The following CNTN4 variants were observed in gnomAD, a reference collection of about 807,000 sequenced individuals.
CNTN4 encodes contactin 4.
Under a neutral mutation model 122.5 loss-of-function variants are expected in CNTN4, and 77 were observed. That is an observed-to-expected ratio of 0.63 (90% CI 0.52 to 0.76). The LOEUF (loss-of-function observed/expected upper bound fraction) is 0.76. Among genes scored for constraint, CNTN4 ranks in the 30% least tolerant of loss-of-function variants. The pLI is 0.00. For missense variants in CNTN4, 1,256 were observed against 1,259.1 expected, an observed-to-expected ratio of 1.00 and a Z score of 0.04; for synonymous variants, 512 against 447.0, an observed-to-expected ratio of 1.15 and a Z score of -1.83.
chr3:2,422,237 G>C (rs967026231), intron 3 of CNTN4, among the ~76,000 whole-genome samples: 5 of 152,156 alleles, frequency 3.3e-5, no homozygotes, highest in African/African-American at 1.2e-4. Context: ...CTTAACCTGG[G>C]TTCCAATACC....
intron 8 of CNTN4, among the ~76,000 whole-genome samples, chr3:2,878,836 A>C (rs2093875540): frequency 1.3e-5 from 2 of 152,212 alleles, no homozygotes; most frequent in South Asian, 4.1e-4. Context: ...AATAAACAAG[A>C]GAATTATAAA....
intron 3 of CNTN4, among the ~76,000 whole-genome samples, chr3:2,392,577 A>C (rs546736768): frequency 1.3e-5 from 2 of 152,308 alleles, no homozygotes; most frequent in African/African-American, 4.8e-5. Context: ...ACATGTGTAC[A>C]TTCTGAAGTG....
chr3:2,136,668 G>T, intron 2 of CNTN4, among the ~76,000 whole-genome samples: 1 of 151,614 alleles, frequency 6.6e-6, no homozygotes, highest in African/African-American at 2.4e-5. Flanking sequence ...ACAATTAAAT[G>T]GTTACATTGC....
At chr3:2,435,069 A>T (rs945882490) in intron 3 of CNTN4, among the ~76,000 whole-genome samples, 24 of 152,180 alleles carry the variant, frequency 1.6e-4, no homozygotes, top group Admixed American at 1.6e-3. Flanking sequence ...TGAGCCAATT[A>T]TCTAAATCAT....
chr3:2,579,597 A>G (rs2079846844), intron 4 of CNTN4, among the ~76,000 whole-genome samples: 1 of 151,982 alleles, frequency 6.6e-6, no homozygotes, highest in African/African-American at 2.4e-5. Flanking sequence ...GCTATCTGTG[A>G]GGATTGAGAA....
intron 2 of CNTN4, among the ~76,000 whole-genome samples, chr3:2,246,795 G>T (rs1041010500): frequency 1.3e-5 from 2 of 151,946 alleles, no homozygotes; most frequent in Non-Finnish European, 2.9e-5. Flanking sequence ...GTTTGATGGG[G>T]CATTCAGAGG....
At chr3:2,712,929 C>A (rs949768507) in intron 4 of CNTN4, among the ~76,000 whole-genome samples, 1 of 152,202 alleles carries the variant, frequency 6.6e-6, no homozygotes, top group East Asian at 1.9e-4. Context: ...GGCGTGGAAG[C>A]TCCACGCCCC....
intron 2 of CNTN4, among the ~76,000 whole-genome samples, chr3:2,290,419 C>T (rs1333506763): frequency 6.6e-6 from 1 of 152,116 alleles, no homozygotes; most frequent in Admixed American, 6.6e-5. Flanking sequence ...TACATTTATA[C>T]GTACAACACC....
chr3:3,009,313 C>G (rs1648614733), intron 14 of CNTN4, among the ~76,000 whole-genome samples: 2 of 152,180 alleles, frequency 1.3e-5, no homozygotes, highest in African/African-American at 2.4e-5. Flanking sequence ...GAACTCTCTT[C>G]TAGTATCTGA....
chr3:2,825,425 T>C (rs2092966252), intron 7 of CNTN4, among the ~76,000 whole-genome samples: 1 of 152,122 alleles, frequency 6.6e-6, no homozygotes. Flanking sequence ...GGTTTTGCCA[T>C]GTTGACCAGG....
chr3:2,494,401 A>C (rs2076398558), intron 3 of CNTN4, among the ~76,000 whole-genome samples: 1 of 152,204 alleles, frequency 6.6e-6, no homozygotes, highest in African/African-American at 2.4e-5. Flanking sequence ...GCTGATTGGC[A>C]GTCCTTTGAC....
intron 3 of CNTN4, among the ~76,000 whole-genome samples, chr3:2,399,539 T>G (rs556737386): frequency 1.3e-5 from 2 of 152,028 alleles, no homozygotes; most frequent in African/African-American, 4.8e-5. Context: ...ATAAGTTCTC[T>G]GAGTCTCTGT....
In CNTN4 at chr3:2,808,884, A is replaced by G. The variant is rs188847042; in HGVS notation, c.359-10602A>G. Among the ~76,000 whole-genome samples, 61 of 152,356 alleles carry G rather than the reference A, an allele frequency of 4.0e-4. No individual in the cohort carries two copies. In the East Asian group the frequency reaches 7.5e-3, roughly 19 times the overall value. On this transcript the variant is annotated intron_variant, in intron 6 of 24. Transcript: ENST00000418658. ...CATACAAAGGTCCTTTGTAGCCAAG[A>G]TGCTGGAAAGCAGTGTGTCATGAGG...
intron 4 of CNTN4, among the ~76,000 whole-genome samples, chr3:2,698,867 A>G (rs1356348372): frequency 6.6e-6 from 1 of 152,074 alleles, no homozygotes; most frequent in African/African-American, 2.4e-5. Flanking sequence ...AAAATACAAA[A>G]CAAAAATTAG....
At chr3:2,222,179 G>A (rs1173724728) in intron 2 of CNTN4, among the ~76,000 whole-genome samples, 2 of 152,126 alleles carry the variant, frequency 1.3e-5, no homozygotes, top group Admixed American at 6.6e-5. Flanking sequence ...GTTAGTACAC[G>A]AAATGTGTTT....
intron 6 of CNTN4, among the ~76,000 whole-genome samples, chr3:2,779,355 A>G (rs546011272): frequency 1.3e-5 from 2 of 152,044 alleles, no homozygotes; most frequent in South Asian, 2.1e-4. Context: ...GCACACCATG[A>G]CACCTAGCTA....
At chr3:2,696,589 C>T (rs1188703019) in intron 4 of CNTN4, among the ~76,000 whole-genome samples, 2 of 152,164 alleles carry the variant, frequency 1.3e-5, no homozygotes, top group African/African-American at 4.8e-5. Context: ...GATTTTCCAG[C>T]CTCCAGAACT....
intron 2 of CNTN4, among the ~76,000 whole-genome samples, chr3:2,194,904 ACT>A (rs1188531606): frequency 6.6e-6 from 1 of 151,890 alleles, no homozygotes; most frequent in Non-Finnish European, 1.5e-5. Context: ...GAGACAATAA[ACT>A]CTGTTGTTTT....
intron 14 of CNTN4, among the ~76,000 whole-genome samples, chr3:2,994,627 A>G (rs1450417888): frequency 6.7e-6 from 1 of 149,216 alleles, no homozygotes; most frequent in Non-Finnish European, 1.5e-5. Context: ...GTGTATATAT[A>G]TATTTGTACC....
Sources: gnomAD v4.1 joint callset for allele counts (sites outside exome capture counted in the v4.1 genomes callset) on GRCh38, gnomAD v4.1.1 for gene constraint, MANE v1.5 for transcripts, NCBI Gene and HGNC (gene_info 2026-07-23, HGNC 2026-07-21) for gene names.